The following TRDN variants were observed in gnomAD, a reference collection of about 807,000 sequenced individuals.
The protein encoded by TRDN is triadin in skeletal muscle.
In TRDN, 161 loss-of-function variants were observed where a neutral mutation model predicts 149.7. The ratio of observed to expected loss-of-function variants is 1.08; its 90% CI spans 0.95 to 1.23. The LOEUF (loss-of-function observed/expected upper bound fraction) is 1.23, where lower values mean the gene tolerates loss of function less well. Among genes scored for constraint, TRDN ranks in the 50% most tolerant of loss-of-function variants. The pLI, the probability that TRDN is intolerant of heterozygous loss-of-function variation, is 0.00. For missense variants in TRDN, 896 were observed against 823.5 expected, an observed-to-expected ratio of 1.09 and a Z score of -1.08; for synonymous variants, 294 against 250.5, an observed-to-expected ratio of 1.17 and a Z score of -1.64.
chr6:123,587,634 C>CA (rs1345300460), intron 1 of TRDN, among the ~76,000 whole-genome samples: 4 of 152,062 alleles, frequency 2.6e-5, no homozygotes, highest in Admixed American at 2.0e-4. Context: ...AAGAGACCAC[C>CA]AACAGGCTTT....
At chr6:123,594,347 C>A (rs1289139521) in intron 1 of TRDN, among the ~76,000 whole-genome samples, 1 of 151,894 alleles carries the variant, frequency 6.6e-6, no homozygotes, top group African/African-American at 2.4e-5. Context: ...CATCAAAAAT[C>A]AATATTTGTG....
intron 10 of TRDN, among the ~76,000 whole-genome samples, chr6:123,439,231 T>C (rs1001854325): frequency 6.6e-6 from 1 of 152,170 alleles, no homozygotes; most frequent in East Asian, 1.9e-4. Context: ...TCACAGTAAA[T>C]GTGTAACGTT....
intron 9 of TRDN, among the ~76,000 whole-genome samples, chr6:123,467,750 T>C (rs982884520): frequency 5.9e-5 from 9 of 152,122 alleles, no homozygotes; most frequent in Admixed American, 2.0e-4. Context: ...TCACAAATCG[T>C]TTTGTTAGGT....
chr6:123,310,777 C>G (rs573427309), intron 24 of TRDN, among the ~76,000 whole-genome samples: 1 of 151,824 alleles, frequency 6.6e-6, no homozygotes, highest in East Asian at 1.9e-4. Context: ...AGGATTTCTG[C>G]CTGAACAGGT....
intron 1 of TRDN, among the ~76,000 whole-genome samples, chr6:123,626,969 C>T (rs1785705354): frequency 6.7e-6 from 1 of 150,026 alleles, no homozygotes; most frequent in African/African-American, 2.5e-5. Context: ...GCTCTTGTTC[C>T]CCAGGCTGGA....
intron 20 of TRDN, among the ~76,000 whole-genome samples, chr6:123,359,916 C>T (rs1412479244): frequency 2.0e-5 from 3 of 152,020 alleles, no homozygotes; most frequent in Non-Finnish European, 2.9e-5. Context: ...AGGATGGTCT[C>T]GATCTCCTGA....
intron 19 of TRDN, among the ~76,000 whole-genome samples, chr6:123,371,104 T>G (rs1781308995): frequency 6.6e-6 from 1 of 152,084 alleles, no homozygotes; most frequent in Non-Finnish European, 1.5e-5. Context: ...GACTAGAATT[T>G]TGAACATCTA....
intron 3 of TRDN, 71 bp downstream of exon 3, chr6:123,548,383 T>G (rs945956433): frequency 8.1e-7 from 1 of 1,242,138 alleles, no homozygotes; most frequent in Admixed American, 3.9e-5. Context: ...GAATTTAAAC[T>G]GAGGCAAGCC....
chr6:123,359,482 A>C (rs1012389709), intron 20 of TRDN, among the ~76,000 whole-genome samples: 4 of 149,644 alleles, frequency 2.7e-5, no homozygotes, highest in African/African-American at 9.8e-5. Context: ...GGGATGTTCT[A>C]CTAGATGAAT....
At chr6:123,340,399 CATTT>C (rs1780022433) in intron 21 of TRDN, among the ~76,000 whole-genome samples, 1 of 152,000 alleles carries the variant, frequency 6.6e-6, no homozygotes, top group Non-Finnish European at 1.5e-5. Context: ...TCATTAGTGA[CATTT>C]AGTGAGAATG....
chr6:123,451,736 A>G (rs191059152), intron 10 of TRDN, among the ~76,000 whole-genome samples: 7 of 152,300 alleles, frequency 4.6e-5, no homozygotes, highest in Admixed American at 4.6e-4. Context: ...AATTCTCCCC[A>G]ATTCATTTTA....
At chr6:123,531,290 T>G (rs1044775353) in intron 4 of TRDN, among the ~76,000 whole-genome samples, 1 of 152,052 alleles carries the variant, frequency 6.6e-6, no homozygotes, top group Non-Finnish European at 1.5e-5. Context: ...AAAAGTGACT[T>G]AATCTTAAAT....
chr6:123,545,769 A>G (rs1040505235), intron 4 of TRDN, among the ~76,000 whole-genome samples: 1 of 151,996 alleles, frequency 6.6e-6, no homozygotes, highest in African/African-American at 2.4e-5. Flanking sequence ...TCTGGCAAAA[A>G]TTTGATTTGC....
At chr6:123,261,102 T>G (rs1776755710) in intron 33 of TRDN, among the ~76,000 whole-genome samples, 1 of 151,738 alleles carries the variant, frequency 6.6e-6, no homozygotes. Context: ...ATACAACTAC[T>G]AAGTACCTAC....
chr6:123,402,898 T>C (rs970970982), intron 12 of TRDN, among the ~76,000 whole-genome samples: 4 of 152,230 alleles, frequency 2.6e-5, no homozygotes, highest in Non-Finnish European at 5.9e-5. Flanking sequence ...TTGGACTTGA[T>C]AAACAGAATA....
At chr6:123,471,374 G>A (rs867082400) in intron 9 of TRDN, 2 of 152,272 alleles carry the variant, frequency 1.3e-5, no homozygotes, top group Middle Eastern at 6.8e-3. Flanking sequence ...CTTTGCTGGA[G>A]TACTTGTATA....
At chr6:123,585,871 G>A (rs970303615) in intron 1 of TRDN, among the ~76,000 whole-genome samples, 1 of 151,338 alleles carries the variant, frequency 6.6e-6, no homozygotes, top group Non-Finnish European at 1.5e-5. Context: ...GCAAGGAATT[G>A]CAACTTTTTT....
intron 12 of TRDN, among the ~76,000 whole-genome samples, chr6:123,403,152 C>G (rs1247238065): frequency 1.3e-5 from 2 of 152,042 alleles, no homozygotes; most frequent in Non-Finnish European, 2.9e-5. Flanking sequence ...AGTTAATAAT[C>G]TATAAGAAAA....
intron 24 of TRDN, among the ~76,000 whole-genome samples, chr6:123,305,623 AG>A (rs1778581081): frequency 6.6e-6 from 1 of 152,156 alleles, no homozygotes; most frequent in East Asian, 1.9e-4. Context: ...TAGGACAAAA[AG>A]TTTCTGTTTT....
Sources: gnomAD v4.1 joint callset for allele counts (sites outside exome capture counted in the v4.1 genomes callset) on GRCh38, gnomAD v4.1.1 for gene constraint, MANE v1.5 for transcripts, NCBI Gene and HGNC (gene_info 2026-07-23, HGNC 2026-07-21) for gene names.